The following CFAP20DC variants were observed in gnomAD, a reference collection of about 807,000 sequenced individuals.
CFAP20DC encodes the protein CFAP20 domain containing.
CFAP20DC carries 84 observed loss-of-function variants against 101.7 expected under a neutral mutation model. The observed-to-expected ratio is 0.83, with a 90% CI of 0.69 to 0.99. The LOEUF (loss-of-function observed/expected upper bound fraction) is 0.99, where lower values mean the gene tolerates loss of function less well. Ranked by LOEUF, CFAP20DC falls within the 50% of genes least tolerant of loss-of-function variation. The pLI is 0.00. For synonymous variants in CFAP20DC, 359 were observed against 351.2 expected (o/e 1.02, Z -0.25); for missense variants, 1,007 against 970.3 (o/e 1.04, Z -0.50).
At chr3:58,808,624 A>G (rs1200875675) in intron 14 of CFAP20DC, among the ~76,000 whole-genome samples, 1 of 152,226 alleles carries the variant, frequency 6.6e-6, no homozygotes, top group African/African-American at 2.4e-5. Context: ...CAAATTGTAA[A>G]GACCATCGAG....
chr3:58,933,778 T>C (rs528749266), intron 5 of CFAP20DC, among the ~76,000 whole-genome samples: 4 of 151,762 alleles, frequency 2.6e-5, no homozygotes, highest in Non-Finnish European at 5.9e-5. Flanking sequence ...AAGCAGTGTG[T>C]AGAGGGAAAT....
intron 15 of CFAP20DC, among the ~76,000 whole-genome samples, chr3:58,778,454 G>C (rs1214222658): frequency 6.6e-6 from 1 of 152,222 alleles, no homozygotes; most frequent in Non-Finnish European, 1.5e-5. Flanking sequence ...GCCACCTGCA[G>C]ATATGGGGAC....
At chr3:58,747,287 A>G (rs948226904) in intron 16 of CFAP20DC, among the ~76,000 whole-genome samples, 1 of 152,200 alleles carries the variant, frequency 6.6e-6, no homozygotes. Flanking sequence ...AGAAAAACCA[A>G]TGGAGCCAGA....
intron 15 of CFAP20DC, among the ~76,000 whole-genome samples, chr3:58,785,676 G>A (rs921410067): frequency 2.6e-5 from 4 of 152,082 alleles, no homozygotes; most frequent in Non-Finnish European, 4.4e-5. Context: ...GGAAGTAACT[G>A]CCTCCCTCCC....
intron 3 of CFAP20DC, among the ~76,000 whole-genome samples, chr3:59,044,848 C>A (rs1459619737): frequency 6.6e-6 from 1 of 152,050 alleles, no homozygotes; most frequent in Non-Finnish European, 1.5e-5. Flanking sequence ...TCTTACAAAA[C>A]CAATATCCTT....
chr3:58,961,748 T>C (rs899803043), intron 4 of CFAP20DC, among the ~76,000 whole-genome samples: 2 of 152,090 alleles, frequency 1.3e-5, no homozygotes, highest in Admixed American at 6.6e-5. Flanking sequence ...CTTGATTCAG[T>C]TGTGATAAGT....
chr3:58,984,565 G>A (rs895492508), intron 4 of CFAP20DC, among the ~76,000 whole-genome samples: 26 of 152,156 alleles, frequency 1.7e-4, no homozygotes, highest in African/African-American at 6.3e-4. Flanking sequence ...GCTTACAGTT[G>A]AGAAGTAATT....
intron 13 of CFAP20DC, among the ~76,000 whole-genome samples, chr3:58,833,535 C>T (rs193076186): frequency 6.6e-6 from 1 of 152,186 alleles, no homozygotes; most frequent in Non-Finnish European, 1.5e-5. Flanking sequence ...TACCTTCACA[C>T]CCATTAGGAT....
At chr3:58,933,641 T>C (rs2087062143) in intron 5 of CFAP20DC, among the ~76,000 whole-genome samples, 1 of 152,006 alleles carries the variant, frequency 6.6e-6, no homozygotes, top group Admixed American at 6.6e-5. Context: ...CTCAACTACA[T>C]GGAAACTGAA....
At chr3:58,974,870 T>C (rs1417818981) in intron 4 of CFAP20DC, among the ~76,000 whole-genome samples, 2 of 152,068 alleles carry the variant, frequency 1.3e-5, no homozygotes, top group African/African-American at 2.4e-5. Context: ...TTTATGTATG[T>C]TAGGCAGTTC....
chr3:58,740,633 T>C (rs529581342), downstream of CFAP20DC, among the ~76,000 whole-genome samples: 3 of 152,328 alleles, frequency 2.0e-5, no homozygotes, highest in East Asian at 3.9e-4. The surrounding 1 kb of genome is among the most constrained non-coding windows in gnomAD (Gnocchi z 4.6). Context: ...AGAGGCCTTA[T>C]AGCCTTACAG....
intron 15 of CFAP20DC, among the ~76,000 whole-genome samples, chr3:58,780,361 A>G (rs2071712092): frequency 6.6e-6 from 1 of 152,142 alleles, no homozygotes; most frequent in African/African-American, 2.4e-5. Context: ...GGTAAATAGT[A>G]AGAGCAAAAT....
chr3:58,861,507 A>T lies in CFAP20DC; in HGVS notation c.1593+2051T>A. 4 of 945,276 alleles carry T rather than the reference A, an allele frequency of 4.2e-6. No homozygotes were observed. The highest frequency in any genetic ancestry group is 5.0e-6 in the Non-Finnish European group (4 of 793,408). 58.6% of individuals were successfully genotyped at this position (945,276 alleles called of 1,614,324 possible). A position where few individuals can be genotyped will look rare whatever the true frequency, so the allele number is the denominator to read the frequency against. ...ATACAATTAATAAATAGAAGAAGCTATCCTACAGGAAAAGAAATTACCAAA... is the reference window on the plus strand; with the variant it reads ...ATACAATTAATAAATAGAAGAAGCTTTCCTACAGGAAAAGAAATTACCAAA... On this transcript the variant is annotated intron_variant, in intron 12 of 16. Transcript: ENST00000482387. The surrounding 1 kb of genome is among the most constrained non-coding windows in gnomAD (Gnocchi z 4.0).
intron 14 of CFAP20DC, among the ~76,000 whole-genome samples, chr3:58,808,817 C>T (rs1414686872): frequency 2.6e-5 from 4 of 152,170 alleles, no homozygotes; most frequent in South Asian, 2.1e-4. Flanking sequence ...ATTCAGGAAA[C>T]CCATCTCACA....
intron 3 of CFAP20DC, among the ~76,000 whole-genome samples, chr3:59,043,550 G>T (rs1699598618): frequency 6.6e-6 from 1 of 151,896 alleles, no homozygotes; most frequent in Non-Finnish European, 1.5e-5. Context: ...TCATAAAGGT[G>T]ACCTCATCCT....
At chr3:58,855,871 A>T (rs906009719) in intron 12 of CFAP20DC, among the ~76,000 whole-genome samples, 41 of 150,320 alleles carry the variant, frequency 2.7e-4, no homozygotes, top group African/African-American at 1.0e-3. Flanking sequence ...GCATTGGGAG[A>T]TATACCTAAT....
At chr3:58,978,876 T>C (rs1028178478) in intron 4 of CFAP20DC, among the ~76,000 whole-genome samples, 1 of 152,130 alleles carries the variant, frequency 6.6e-6, no homozygotes, top group African/African-American at 2.4e-5. Context: ...CTCTGGCTTT[T>C]AGTTTTCATC....
At position 58,754,656 on chromosome 3, in the gene CFAP20DC, T is replaced by C. The variant is rs1455299013; in HGVS notation, c.2238-793A>G. On this transcript the variant is annotated intron_variant, in intron 15 of 16. Transcript: ENST00000482387. Reference sequence around the variant, plus strand: ...TTATCATTTACCTTATTCTTCTCAATAGAAGTATGTCTTTATAACTAAATA... The same window carrying C: ...TTATCATTTACCTTATTCTTCTCAACAGAAGTATGTCTTTATAACTAAATA... Among the ~76,000 whole-genome samples the C allele has an allele frequency of 8.5e-5, 13 of 152,314 alleles. No homozygotes were observed. The East Asian group carries it at 2.5e-3, about 29-fold the overall frequency.
chr3:58,785,328 A>T (rs975560195), intron 15 of CFAP20DC, among the ~76,000 whole-genome samples: 3 of 152,102 alleles, frequency 2.0e-5, no homozygotes, highest in South Asian at 2.1e-4. Context: ...TAATGGGTAT[A>T]AACATACAAT....
Sources: gnomAD v4.1 joint callset for allele counts (sites outside exome capture counted in the v4.1 genomes callset) on GRCh38, gnomAD v4.1.1 for gene constraint, Gnocchi (gnomAD v3.1) non-coding constraint, MANE v1.5 for transcripts, NCBI Gene and HGNC (gene_info 2026-07-23, HGNC 2026-07-21) for gene names.